PLEKHH2: variants seen among roughly 807,000 people sequenced by gnomAD.
PLEKHH2 encodes pleckstrin homology, MyTH4 and FERM domain containing H2, also known as pleckstrin homology domain-containing family H member 2.
In PLEKHH2, 129 loss-of-function variants were observed where a neutral mutation model predicts 187.9. That is an observed-to-expected ratio of 0.69 (90% CI 0.59 to 0.79). PLEKHH2 has a LOEUF of 0.79. Among genes scored for constraint, PLEKHH2 ranks in the 30% least tolerant of loss-of-function variants. PLEKHH2 has a pLI of 0.00. For synonymous variants in PLEKHH2, 686 were observed against 605.6 expected, an observed-to-expected ratio of 1.13 and a Z score of -1.95; for missense variants, 2,076 against 1,751.2, an observed-to-expected ratio of 1.19 and a Z score of -3.31.
In PLEKHH2 at chr2:43,754,206, A is replaced by ACACACAC. The variant is rs386354945; in HGVS notation, c.3795+446_3795+447insCACACAC. 3.8e-3 allele frequency among the ~76,000 whole-genome samples: 392 copies of ACACACAC among 101,906 alleles called. 3 individuals are homozygous for ACACACAC. The highest frequency in any genetic ancestry group is 0.017 in the African/African-American group (381 of 22,536). 66.9% of individuals were successfully genotyped at this position (101,906 alleles called of 152,430 possible). ...CACACACACACACACACACACACAC[A>ACACACAC]AAATTAATACTGACTTAATCAGAAT... On this transcript the variant is annotated intron_variant, in intron 25 of 29. Coordinates refer to ENST00000282406, the MANE Select transcript of PLEKHH2 (RefSeq NM_172069.4).
Position 43,712,227 on chromosome 2 carries a change from G to T in PLEKHH2, c.2304G>T (p.Leu768Phe). 1 of 1,611,978 alleles carries T rather than the reference G, an allele frequency of 6.2e-7. No individual in the cohort carries two copies. Among genetic ancestry groups the T allele is most frequent in the South Asian group, 1.1e-5 (1 of 90,968 alleles). The change falls in exon 15 of 30, where the codon TTG (leucine) becomes TTT (phenylalanine). Residue 768 changes from leucine (L) to phenylalanine (F), a missense_variant and splice_region_variant. Transcript: ENST00000282406. The part of the protein sequence containing the change: ...LRGDNKQTVQ[L>F]TTEKHTYYLT... ...ATACCTTTCTCGTTGCATTCTAGTT[G>T]ACCACTGAAAAACACACATACTATC...
chr2:43,741,304 A>G (rs1369383745), intron 21 of PLEKHH2: 4 of 256,356 alleles, frequency 1.6e-5, no homozygotes, highest in South Asian at 9.3e-5. Flanking sequence ...TTGCATTTCA[A>G]GTATGAATGA....
chr2:43,759,799 CTT>C (rs1466842197), intron 27 of PLEKHH2, among the ~76,000 whole-genome samples: 2 of 152,206 alleles, frequency 1.3e-5, no homozygotes, highest in African/African-American at 2.4e-5. Flanking sequence ...ATAATTATCA[CTT>C]AATAAATATT....
At chr2:43,720,481 C>G (rs963932685) in intron 15 of PLEKHH2, among the ~76,000 whole-genome samples, 188 bp from the exon 16 acceptor site, 2 of 152,082 alleles carry the variant, frequency 1.3e-5, no homozygotes, top group Admixed American at 1.3e-4. Context: ...TATTGTTTCC[C>G]TATTTATGTC....
At chr2:43,757,626 G>A (rs1572669636) in intron 26 of PLEKHH2, among the ~76,000 whole-genome samples, 1 of 152,068 alleles carries the variant, frequency 6.6e-6, no homozygotes, top group African/African-American at 2.4e-5. Flanking sequence ...CACCGTGTTA[G>A]CCAGGATGGT....
intron 2 of PLEKHH2, among the ~76,000 whole-genome samples, chr2:43,655,733 G>A (rs1401631585): frequency 3.3e-5 from 5 of 152,218 alleles, no homozygotes; most frequent in Admixed American, 6.5e-5. Flanking sequence ...ACTTGGGGTA[G>A]GATGATTATT....
At position 43,767,340 on chromosome 2, in the gene PLEKHH2, C is replaced by G. The variant is rs1672656219; in HGVS notation, c.*1742C>G. The G allele has an allele frequency of 6.6e-6, 1 of 152,210 alleles. No homozygotes were observed. The highest frequency in any genetic ancestry group is 2.4e-5 in the African/African-American group (1 of 41,384). 9.4% of individuals were successfully genotyped at this position (152,210 alleles called of 1,614,324 possible). ...AAATGTTCCATACTGTATTAGCATC[C>G]TTAGAAGGGACAGAACTAAGAAATA... On this transcript the variant is annotated 3_prime_UTR_variant, in exon 30 of 30. Coordinates refer to ENST00000282406, the MANE Select transcript of PLEKHH2 (RefSeq NM_172069.4).
intron 2 of PLEKHH2, among the ~76,000 whole-genome samples, chr2:43,658,408 C>T (rs1666897115): frequency 6.6e-6 from 1 of 152,226 alleles, no homozygotes; most frequent in South Asian, 2.1e-4. Flanking sequence ...TAACAAATGA[C>T]TCCAAAATTT....
chr2:43,710,899 T>C, intron 14 of PLEKHH2: 3 of 1,094,880 alleles, frequency 2.7e-6, no homozygotes, highest in Non-Finnish European at 3.3e-6. Flanking sequence ...AAATGAATTC[T>C]CAATAAGATG....
chr2:43,651,955 G>C (rs1206971063), intron 2 of PLEKHH2, among the ~76,000 whole-genome samples: 1 of 152,226 alleles, frequency 6.6e-6, no homozygotes, highest in East Asian at 1.9e-4. Flanking sequence ...TCAAATGTCT[G>C]ATGATTTTTA....
At chr2:43,726,177 G>A in intron 16 of PLEKHH2, 95 bp from the exon 17 acceptor site, 1 of 840,688 alleles carries the variant, frequency 1.2e-6, no homozygotes, top group East Asian at 2.9e-5. Flanking sequence ...TTAAAGGTAT[G>A]CTTTATAAAT....
At position 43,700,594 on chromosome 2, in the gene PLEKHH2, C is replaced by T. The variant is rs1052631948; in HGVS notation, c.1636C>T (p.Arg546Cys). 5 of 1,607,084 alleles carry T rather than the reference C, an allele frequency of 3.1e-6. No individual in the cohort carries two copies. The highest frequency in any genetic ancestry group is 1.1e-5 in the South Asian group (1 of 90,884). ...CAAACCTCCAACTCCTCCCCTGCAC[C>T]GTTTTCCTTCTTGGGTAATTATATC... Reference protein sequence around the residue: ...YSKPPTPPLHRFPSWESRIYA... With the variant: ...YSKPPTPPLHCFPSWESRIYA... The change falls in exon 8 of 30, where the codon CGT (arginine) becomes TGT (cysteine). Residue 546 changes from arginine (R) to cysteine (C), a missense_variant. Arg to Cys is a radical substitution (Grantham distance 180, BLOSUM62 -3). Coordinates refer to ENST00000282406, the MANE Select transcript of PLEKHH2 (RefSeq NM_172069.4).
chr2:43,712,178 TA>T, intron 14 of PLEKHH2, 46 bp from the exon 15 acceptor site: 1 of 1,579,206 alleles, frequency 6.3e-7, no homozygotes, highest in Non-Finnish European at 8.7e-7. Flanking sequence ...CTAACAATCC[TA>T]AATCTTCACA....
intron 2 of PLEKHH2, among the ~76,000 whole-genome samples, chr2:43,660,435 CTTTTT>C (rs747756407): frequency 2.8e-5 from 2 of 72,212 alleles, no homozygotes; most frequent in Non-Finnish European, 3.1e-5. Context: ...ATATGTTTAA[CTTTTT>C]TTTTTTTTTT....
At chr2:43,673,255 A>T (rs765942493) in intron 2 of PLEKHH2, among the ~76,000 whole-genome samples, 17 of 152,096 alleles carry the variant, frequency 1.1e-4, no homozygotes, top group Non-Finnish European at 1.8e-4. Flanking sequence ...CATTTCCTCC[A>T]TCCATAAAAA....
intron 2 of PLEKHH2, among the ~76,000 whole-genome samples, chr2:43,677,466 T>G (rs540473768): frequency 8.5e-5 from 13 of 152,230 alleles, no homozygotes; most frequent in South Asian, 4.2e-4. Flanking sequence ...CTTAATCCAT[T>G]TAACCCTGAG....
chr2:43,710,176 CA>C lies in PLEKHH2; in HGVS notation c.2104-40del, dbSNP rs1323469772. On this transcript the variant is annotated intron_variant, in intron 12 of 29. Coordinates refer to ENST00000282406, the MANE Select transcript of PLEKHH2 (RefSeq NM_172069.4). ...AAAGCAGTCAGTCAGATTGAGCCTC[CA>C]AAAGGAAACTGAAAATGCTTTTGTC... 4 of 1,610,726 alleles carry C rather than the reference CA, an allele frequency of 2.5e-6. No individual in the cohort carries two copies. The South Asian group carries it at 4.4e-5, about 18-fold the overall frequency.
At chr2:43,753,302 C>T (rs149746878) in intron 24 of PLEKHH2, among the ~76,000 whole-genome samples, 72 of 152,274 alleles carry the variant, frequency 4.7e-4, no homozygotes, top group African/African-American at 1.1e-3. Context: ...TTCTTATAAG[C>T]GCCATATAGT....
chr2:43,748,751 T>C (rs1472561757), intron 24 of PLEKHH2, among the ~76,000 whole-genome samples: 1 of 143,944 alleles, frequency 6.9e-6, no homozygotes, highest in Middle Eastern at 3.3e-3. Flanking sequence ...GAGAAGAGGT[T>C]CAGGCATTCT....
Sources: allele counts gnomAD v4.1 joint callset (sites outside exome capture counted in the v4.1 genomes callset), GRCh38; gene constraint gnomAD v4.1.1; transcripts MANE v1.5; gene names NCBI Gene and HGNC (gene_info 2026-07-23, HGNC 2026-07-21).